GLIS3: variants seen among roughly 807,000 people sequenced by gnomAD.
GLIS3 encodes the protein zinc finger protein GLIS3.
A neutral mutation model predicts 78.6 loss-of-function variants in GLIS3; 53 were observed. The observed-to-expected ratio is 0.67, with a 90% CI of 0.54 to 0.85. The LOEUF (loss-of-function observed/expected upper bound fraction) is 0.85. GLIS3 is among the 40% of genes least tolerant of loss of function. The pLI is 0.00. For missense variants in GLIS3, 1,703 were observed against 1,231.1 expected, an observed-to-expected ratio of 1.38 and a Z score of -5.74; for synonymous variants, 684 against 509.9, an observed-to-expected ratio of 1.34 and a Z score of -4.60.
At chr9:4,127,974 G>C (rs911259698) in intron 2 of GLIS3, among the ~76,000 whole-genome samples, 1 of 152,110 alleles carries the variant, frequency 6.6e-6, no homozygotes, top group African/African-American at 2.4e-5. Context: ...ATATTGTAAG[G>C]TGTACCATTA....
chr9:4,120,605 C>T lies in GLIS3; in HGVS notation c.597-1724G>A, dbSNP rs568596818. Among the ~76,000 whole-genome samples the T allele has an allele frequency of 1.5e-4, 23 of 152,278 alleles. No individual in the cohort carries two copies. In the South Asian group the frequency reaches 4.4e-3, roughly 29 times the overall value. On this transcript the variant is annotated intron_variant, in intron 3 of 10. Coordinates refer to ENST00000381971, the MANE Select transcript of GLIS3 (RefSeq NM_001042413.2). The stretch of plus-strand genomic sequence containing the variant: ...CTTTTGGTCTCTTCCCCAGCAAGAT[C>T]GAGGAATTGCTTTCGGACCCAAACT...
intron 4 of GLIS3, among the ~76,000 whole-genome samples, chr9:4,065,306 G>A (rs754691487): frequency 2.0e-5 from 3 of 152,120 alleles, no homozygotes; most frequent in Admixed American, 6.6e-5. Flanking sequence ...TAGAGAAACC[G>A]AACAAAGGAT....
chr9:4,474,923 A>G, the GLIS3 span, among the ~76,000 whole-genome samples: 1 of 147,524 alleles, frequency 6.8e-6, no homozygotes, highest in Admixed American at 6.9e-5. Context: ...GCTTGCAAAT[A>G]TTTCTTAAAC....
chr9:4,159,696 G>A (rs10974354), intron 2 of GLIS3, among the ~76,000 whole-genome samples: 75,143 of 151,394 alleles, frequency 0.5, 20,055 homozygotes, highest in East Asian at 0.83. Flanking sequence ...TCCAGCCTGG[G>A]TGAAGAAGTG....
intron 3 of GLIS3, among the ~76,000 whole-genome samples, chr9:4,124,387 C>G (rs919119425): frequency 6.6e-6 from 1 of 152,200 alleles, no homozygotes; most frequent in African/African-American, 2.4e-5. Flanking sequence ...CTTAAGCAGT[C>G]TGTGCCCTGA....
At chr9:4,289,856 G>C (rs1420655642) in intron 1 of GLIS3, among the ~76,000 whole-genome samples, 1 of 152,024 alleles carries the variant, frequency 6.6e-6, no homozygotes, top group Non-Finnish European at 1.5e-5. Flanking sequence ...CAAACTCTTT[G>C]AACACACTTC....
intron 4 of GLIS3, among the ~76,000 whole-genome samples, chr9:4,083,960 T>C (rs1828775662): frequency 6.6e-6 from 1 of 152,198 alleles, no homozygotes; most frequent in Non-Finnish European, 1.5e-5. Flanking sequence ...TACTCTGGGT[T>C]CATCACCATT....
chr9:4,049,086 ATGTCT>A (rs1218244148), intron 4 of GLIS3, among the ~76,000 whole-genome samples: 14 of 152,184 alleles, frequency 9.2e-5, no homozygotes, highest in Admixed American at 6.5e-5. Flanking sequence ...CACACCAATG[ATGTCT>A]GAGCAAACTA....
chr9:4,312,897 T>G (rs1379172864), intron 2 of GLIS3, among the ~76,000 whole-genome samples: 3 of 152,244 alleles, frequency 2.0e-5, no homozygotes, highest in Admixed American at 6.5e-5. Context: ...TTAGTTCATT[T>G]AATCCTCACA....
intron 4 of GLIS3, among the ~76,000 whole-genome samples, chr9:4,026,209 T>C (rs1249192989): frequency 2.0e-5 from 3 of 152,208 alleles, no homozygotes; most frequent in Non-Finnish European, 4.4e-5. Flanking sequence ...CAGTTTTAGT[T>C]GAAGAGAGTG....
At chr9:4,131,546 T>G (rs770614578) in intron 2 of GLIS3, among the ~76,000 whole-genome samples, 6 of 148,992 alleles carry the variant, frequency 4.0e-5, no homozygotes, top group Non-Finnish European at 8.9e-5. Flanking sequence ...TGTATAAAAG[T>G]GTGTGGCACT....
intron 2 of GLIS3, among the ~76,000 whole-genome samples, chr9:4,265,571 C>T (rs1368853031): frequency 6.6e-6 from 1 of 152,230 alleles, no homozygotes; most frequent in East Asian, 1.9e-4. Flanking sequence ...TCTAATGCTT[C>T]CATTCTACCT....
intron 2 of GLIS3, among the ~76,000 whole-genome samples, chr9:4,265,528 T>C (rs1054950586): frequency 1.3e-5 from 2 of 152,178 alleles, no homozygotes; most frequent in African/African-American, 2.4e-5. Context: ...ATCTGTCATT[T>C]CCAGAAAGTG....
At chr9:4,258,999 A>G (rs1325350872) in intron 2 of GLIS3, among the ~76,000 whole-genome samples, 7 of 152,174 alleles carry the variant, frequency 4.6e-5, no homozygotes, top group Admixed American at 1.3e-4. Flanking sequence ...ATTTTACTCC[A>G]GAAACGCCAA....
In GLIS3 at chr9:4,116,770, C is replaced by G. The variant is rs146120433; in HGVS notation, c.1710+998G>C. The stretch of plus-strand genomic sequence containing the variant: ...TATTTCACATATTTAGTACCAGCAC[C>G]ATACTCAATATCCAGGGAATATATA... On this transcript the variant is annotated intron_variant, in intron 4 of 10. Transcript: ENST00000381971. Among the ~76,000 whole-genome samples, 13 of 152,286 alleles carry G rather than the reference C, an allele frequency of 8.5e-5. No individual in the cohort carries two copies. In the East Asian group the frequency reaches 2.5e-3, roughly 29 times the overall value.
the GLIS3 span, among the ~76,000 whole-genome samples, chr9:4,384,927 A>G: frequency 6.6e-6 from 1 of 151,476 alleles, no homozygotes; most frequent in Admixed American, 6.5e-5. Flanking sequence ...CCTAACTGTC[A>G]TTGTAACGAT....
At chr9:4,404,604 A>T in the GLIS3 span, among the ~76,000 whole-genome samples, 1 of 152,208 alleles carries the variant, frequency 6.6e-6, no homozygotes, top group Non-Finnish European at 1.5e-5. Context: ...ATTAAACAAC[A>T]TGCTCCTGAA....
chr9:4,204,910 T>C (rs72691835), intron 2 of GLIS3, among the ~76,000 whole-genome samples: 4 of 131,660 alleles, frequency 3.0e-5, no homozygotes, highest in Admixed American at 8.1e-5. Flanking sequence ...CAAAGCTCCA[T>C]CTCAAAAAAA....
intron 8 of GLIS3, among the ~76,000 whole-genome samples, chr9:3,874,586 G>C (rs916698364): frequency 1.3e-5 from 2 of 152,056 alleles, no homozygotes; most frequent in Admixed American, 6.5e-5. Context: ...CATCAGAAGT[G>C]GGGGGCAGTC....
Sources: allele counts gnomAD v4.1 joint callset (sites outside exome capture counted in the v4.1 genomes callset), GRCh38; gene constraint gnomAD v4.1.1; transcripts MANE v1.5; gene names NCBI Gene and HGNC (gene_info 2026-07-23, HGNC 2026-07-21).